Variants in PRDM11 observed in about 807,000 individuals in gnomAD.
PRDM11 encodes PR/SET domain 11.
PRDM11 carries 20 observed loss-of-function variants against 97.8 expected under a neutral mutation model. That is an observed-to-expected ratio of 0.20 (90% CI 0.14 to 0.30). The LOEUF (loss-of-function observed/expected upper bound fraction) is 0.30. Ranked by LOEUF, PRDM11 falls within the 10% of genes least tolerant of loss-of-function variation. PRDM11 has a pLI of 1.00. For synonymous variants in PRDM11, 599 were observed against 637.7 expected (o/e 0.94, Z 0.91); for missense variants, 1,139 against 1,555.2 (o/e 0.73, Z 4.50).
At chr11:45,123,101 G>A (rs1852477753) in intron 1 of PRDM11, among the ~76,000 whole-genome samples, 1 of 152,002 alleles carries the variant, frequency 6.6e-6, no homozygotes, top group South Asian at 2.1e-4. Context: ...CAGTGATGAT[G>A]AGCATTTTTT....
chr11:45,135,702 T>C (rs541790291), intron 1 of PRDM11, among the ~76,000 whole-genome samples: 3 of 152,310 alleles, frequency 2.0e-5, no homozygotes, highest in Admixed American at 6.5e-5. Flanking sequence ...ACCAGGTCCC[T>C]GAAGGAAAAC....
At position 45,224,355 on chromosome 11, in the gene PRDM11, C is replaced by A. The variant is rs1854206140; in HGVS notation, c.881C>A (p.Pro294His). ...GGCTTTGATGAGGGGGATGTACACC[C>A]CCAAGCTAAGAAGAAGAAAATTGAC... The part of the protein sequence containing the change: ...KRGFDEGDVH[P>H]QAKKKKIDLI... Residue 294 changes from proline (P) to histidine (H), a missense_variant, in exon 7 of 8, where the codon CCC (proline) becomes CAC (histidine). Coordinates refer to ENST00000683152, the MANE Select transcript of PRDM11 (RefSeq NM_001384648.1). 4 of 1,614,118 alleles carry A rather than the reference C, an allele frequency of 2.5e-6. No homozygotes were observed. The highest frequency in any genetic ancestry group is 3.4e-6 in the Non-Finnish European group (4 of 1,180,022).
intron 4 of PRDM11, among the ~76,000 whole-genome samples, chr11:45,198,648 C>T (rs1397155021): frequency 4.6e-5 from 7 of 152,228 alleles, no homozygotes; most frequent in African/African-American, 1.7e-4. Context: ...GACAGACATT[C>T]TGTTGCAAAG....
At chr11:45,135,098 C>T (rs750967350) in intron 1 of PRDM11, among the ~76,000 whole-genome samples, 7 of 151,842 alleles carry the variant, frequency 4.6e-5, no homozygotes. Flanking sequence ...GAGACCCCAT[C>T]TCTAAAAAGA....
At chr11:45,174,507 A>C (rs541732063) in intron 1 of PRDM11, among the ~76,000 whole-genome samples, 2 of 152,212 alleles carry the variant, frequency 1.3e-5, no homozygotes, top group African/African-American at 4.8e-5. Context: ...CTTCGGGTAG[A>C]GATATGGGGG....
intron 1 of PRDM11, among the ~76,000 whole-genome samples, chr11:45,176,401 G>A (rs189534148): frequency 6.6e-6 from 1 of 152,230 alleles, no homozygotes. Flanking sequence ...TCACCACCAT[G>A]TGCACATCTG....
Position 45,196,245 on chromosome 11 carries a change from G to A in PRDM11, c.487-8466G>A, listed in dbSNP as rs181584736. ...GTGATACCTCATTGTGAAGCATGAGGGTTTTGCTCTGCCTTTTTTCTATCT... is the reference window on the plus strand; with the variant it reads ...GTGATACCTCATTGTGAAGCATGAGAGTTTTGCTCTGCCTTTTTTCTATCT... On this transcript the variant is annotated intron_variant, in intron 4 of 7. Coordinates refer to ENST00000683152, the MANE Select transcript of PRDM11 (RefSeq NM_001384648.1). Among the ~76,000 whole-genome samples the A allele has an allele frequency of 2.8e-3, 424 of 152,204 alleles. 3 individuals carry two copies. Among genetic ancestry groups the A allele is most frequent in the Non-Finnish European group, 5.1e-3 (350 of 68,010 alleles).
intron 1 of PRDM11, among the ~76,000 whole-genome samples, chr11:45,130,926 C>A (rs1034868584): frequency 6.6e-6 from 1 of 152,022 alleles, no homozygotes. Context: ...CATTAGAGTA[C>A]ACATGTCCAT....
chr11:45,155,860 C>T (rs565646731), intron 1 of PRDM11, among the ~76,000 whole-genome samples: 9 of 152,178 alleles, frequency 5.9e-5, no homozygotes, highest in African/African-American at 1.9e-4. Context: ...TTATAAACAT[C>T]AGCGACAGCC....
At chr11:45,163,841 G>A (rs141368654) in intron 1 of PRDM11, among the ~76,000 whole-genome samples, 1 of 152,250 alleles carries the variant, frequency 6.6e-6, no homozygotes, top group Non-Finnish European at 1.5e-5. Context: ...GGGACAACTG[G>A]GCTTGGAGTT....
chr11:45,207,403 C>T lies in PRDM11; in HGVS notation c.554+2625C>T, dbSNP rs1044810601. 6.6e-5 allele frequency among the ~76,000 whole-genome samples: 10 copies of T among 152,092 alleles called. 1 individual carries two copies. In the East Asian group the frequency reaches 1.9e-3, roughly 29 times the overall value. ...TCTAGGTGATCTGTCTGTGGTGGTT[C>T]TCAACCGAGCACTATTTTGTGCCCC... On this transcript the variant is annotated intron_variant, in intron 5 of 7. Coordinates refer to ENST00000683152, the MANE Select transcript of PRDM11 (RefSeq NM_001384648.1).
intron 7 of PRDM11, among the ~76,000 whole-genome samples, chr11:45,225,305 A>C (rs1024255531): frequency 6.6e-5 from 10 of 152,092 alleles, no homozygotes; most frequent in Non-Finnish European, 1.5e-4. Context: ...CCAGTTCCCT[A>C]GCCTGGAGTT....
In PRDM11 at chr11:45,146,819, C is replaced by A; in HGVS notation, c.-65C>A. The A allele has an allele frequency of 6.8e-6, 1 of 146,602 alleles. No homozygotes were observed. Among genetic ancestry groups the A allele is most frequent in the South Asian group, 2.0e-4 (1 of 5,088 alleles). The allele number at this position is 146,602 out of a possible 1,614,324, so 9.1% of individuals were successfully genotyped here. On this transcript the variant is annotated 5_prime_UTR_variant, in exon 1 of 8. Transcript: ENST00000683152. ...CGAGGCCGCGCCGCCTCCGCCGAGC[C>A]GCCCGCCGGGCCGCTCTCGCCGCCC...
At chr11:45,167,303 C>T (rs572215395) in intron 1 of PRDM11, among the ~76,000 whole-genome samples, 4 of 152,318 alleles carry the variant, frequency 2.6e-5, no homozygotes, top group Non-Finnish European at 5.9e-5. Flanking sequence ...CACGTGCACA[C>T]ATAAACACAC....
chr11:45,207,075 G>C (rs552435526), intron 5 of PRDM11, among the ~76,000 whole-genome samples: 1 of 152,172 alleles, frequency 6.6e-6, no homozygotes, highest in Non-Finnish European at 1.5e-5. Flanking sequence ...CAGCTGGTGG[G>C]CTCTCATCTT....
intron 1 of PRDM11, among the ~76,000 whole-genome samples, chr11:45,181,154 G>C (rs1322461225): frequency 6.6e-6 from 1 of 152,216 alleles, no homozygotes; most frequent in Non-Finnish European, 1.5e-5. Context: ...AGCCCGGCGC[G>C]GTGGTGGAGG....
At chr11:45,121,082 A>G (rs1852420837) in intron 1 of PRDM11, among the ~76,000 whole-genome samples, 1 of 152,296 alleles carries the variant, frequency 6.6e-6, no homozygotes, top group African/African-American at 2.4e-5. Flanking sequence ...TAAGTCAAGA[A>G]AGGCAGGAAA....
At chr11:45,194,604 T>TG (rs1853042505) in intron 4 of PRDM11, among the ~76,000 whole-genome samples, 1 of 133,110 alleles carries the variant, frequency 7.5e-6, no homozygotes, top group African/African-American at 2.8e-5. Flanking sequence ...TTTTTTTTTT[T>TG]TTTTTTTTTT....
At chr11:45,191,400 C>A (rs567794680) in intron 4 of PRDM11, among the ~76,000 whole-genome samples, 2 of 152,094 alleles carry the variant, frequency 1.3e-5, no homozygotes, top group Admixed American at 1.3e-4. Context: ...TCTATTTTTT[C>A]TCTTCTACAT....
Sources: allele counts gnomAD v4.1 joint callset (sites outside exome capture counted in the v4.1 genomes callset), GRCh38; gene constraint gnomAD v4.1.1; transcripts MANE v1.5; gene names NCBI Gene and HGNC (gene_info 2026-07-23, HGNC 2026-07-21).